Variants in GPHN observed in about 807,000 individuals in gnomAD.
GPHN encodes gephyrin.
In GPHN, 17 loss-of-function variants were observed where a neutral mutation model predicts 95.5. The ratio of observed to expected loss-of-function variants is 0.18; its 90% CI spans 0.12 to 0.27. GPHN has a LOEUF of 0.27. Among genes scored for constraint, GPHN ranks in the 10% least tolerant of loss-of-function variants. The pLI, the probability that GPHN is intolerant of heterozygous loss-of-function variation, is 1.00. For synonymous variants in GPHN, 320 were observed against 322.5 expected, an observed-to-expected ratio of 0.99 and a Z score of 0.08; for missense variants, 660 against 978.1, an observed-to-expected ratio of 0.67 and a Z score of 4.34.
intron 9 of GPHN, among the ~76,000 whole-genome samples, chr14:67,009,302 TG>T (rs1451113665): frequency 6.6e-6 from 1 of 152,218 alleles, no homozygotes; most frequent in African/African-American, 2.4e-5. Context: ...GCTGCTTTTA[TG>T]TTCTGGTACA....
At chr14:66,649,206 C>T (rs1033877428) in intron 1 of GPHN, among the ~76,000 whole-genome samples, 8 of 151,948 alleles carry the variant, frequency 5.3e-5, no homozygotes, top group South Asian at 2.1e-4. Context: ...TGGTGGCGTG[C>T]GCCTGTAGTC....
At chr14:67,307,318 G>C in the GPHN span, among the ~76,000 whole-genome samples, 3 of 152,154 alleles carry the variant, frequency 2.0e-5, no homozygotes, top group Non-Finnish European at 4.4e-5. Context: ...ATAATAATAT[G>C]TAGGGAGGGC....
chr14:67,259,784 C>T, the GPHN span, among the ~76,000 whole-genome samples: 1 of 151,294 alleles, frequency 6.6e-6, no homozygotes, highest in African/African-American at 2.4e-5. Context: ...TGGTGCCATG[C>T]GCCTGTAGTC....
At chr14:66,970,421 A>C (rs753816582) in intron 9 of GPHN, among the ~76,000 whole-genome samples, 2 of 152,178 alleles carry the variant, frequency 1.3e-5, no homozygotes, top group African/African-American at 2.4e-5. Context: ...TGCTGATTCT[A>C]TATCAGCATA....
intron 3 of GPHN, among the ~76,000 whole-genome samples, chr14:66,804,836 C>T (rs2060486735): frequency 6.6e-6 from 1 of 152,126 alleles, no homozygotes; most frequent in Admixed American, 6.5e-5. Flanking sequence ...TATTACCCTG[C>T]TGTGACATTT....
At chr14:66,530,301 C>T (rs2058864729) in intron 1 of GPHN, among the ~76,000 whole-genome samples, 1 of 152,082 alleles carries the variant, frequency 6.6e-6, no homozygotes, top group South Asian at 2.1e-4. Flanking sequence ...CTCCTTGCAC[C>T]AAGCTGGAGT....
chr14:67,344,926 T>C, the GPHN span, among the ~76,000 whole-genome samples: 3 of 149,994 alleles, frequency 2.0e-5, no homozygotes, highest in Non-Finnish European at 3.0e-5. Flanking sequence ...GAGTGTACCA[T>C]AGCACATACA....
chr14:67,576,450 G>A, the GPHN span: 1 of 1,610,742 alleles, frequency 6.2e-7, no homozygotes, highest in Non-Finnish European at 8.5e-7. This position sits in a 1 kb window ranked among gnomAD's most constrained non-coding sequence, Gnocchi z 4.0. Context: ...GCCAAGGTGG[G>A]CACTGCCTAT....
the GPHN span, among the ~76,000 whole-genome samples, chr14:67,603,790 G>A: frequency 6.6e-6 from 1 of 152,152 alleles, no homozygotes; most frequent in Non-Finnish European, 1.5e-5. Context: ...CGATTCTCCT[G>A]CTGAGGTCAG....
the GPHN span, among the ~76,000 whole-genome samples, chr14:67,477,877 G>A: frequency 1.2e-4 from 18 of 152,228 alleles, no homozygotes; most frequent in South Asian, 6.2e-4. Context: ...TAGAACCAGC[G>A]GTCTCAAAGT....
At chr14:66,861,540 T>C (rs2063025211) in intron 4 of GPHN, among the ~76,000 whole-genome samples, 1 of 152,060 alleles carries the variant, frequency 6.6e-6, no homozygotes, top group Non-Finnish European at 1.5e-5. Context: ...GGTGGCAGAA[T>C]ACACATTATT....
chr14:67,163,996 C>T (rs751188539), intron 19 of GPHN, among the ~76,000 whole-genome samples: 5 of 151,828 alleles, frequency 3.3e-5, no homozygotes, highest in African/African-American at 9.7e-5. Context: ...TGGCTGGGTG[C>T]GGTGGCTTAC....
At chr14:67,210,829 A>C in the GPHN span, among the ~76,000 whole-genome samples, 1 of 152,014 alleles carries the variant, frequency 6.6e-6, no homozygotes, top group Non-Finnish European at 1.5e-5. Context: ...CCTGGGCTAC[A>C]TGGTGAAACC....
the GPHN span, chr14:67,656,451 C>A: frequency 6.2e-7 from 1 of 1,613,310 alleles, no homozygotes; most frequent in Non-Finnish European, 8.5e-7. Context: ...TCTCGTTGTT[C>A]CCCCAGCTCT....
chr14:66,807,756 A>T (rs1232721172), intron 3 of GPHN, among the ~76,000 whole-genome samples: 1 of 152,208 alleles, frequency 6.6e-6, no homozygotes, highest in African/African-American at 2.4e-5. Flanking sequence ...ATATACAAGA[A>T]TTGAGTTATC....
At chr14:66,785,802 A>G (rs2059755366) in intron 3 of GPHN, among the ~76,000 whole-genome samples, 1 of 151,978 alleles carries the variant, frequency 6.6e-6, no homozygotes, top group East Asian at 1.9e-4. Flanking sequence ...AAGATACTCT[A>G]GTAAATAATC....
In GPHN at chr14:66,637,463, A is replaced by T. The variant is rs540058126; in HGVS notation, c.65-43644A>T. Among the ~76,000 whole-genome samples, 320 of 152,268 alleles carry T rather than the reference A, an allele frequency of 2.1e-3. 1 individual carries two copies. Among genetic ancestry groups the T allele is most frequent in the African/African-American group, 7.1e-3 (297 of 41,570 alleles). ...TAATTTTAGGGTACTAACCAGTAAG[A>T]TATAGATAAGGAATGAGACAACCTA... On this transcript the variant is annotated intron_variant, in intron 1 of 22. Transcript: ENST00000478722.
chr14:67,376,675 A>G, the GPHN span: 1 of 1,424,448 alleles, frequency 7.0e-7, no homozygotes, highest in Non-Finnish European at 9.5e-7. Context: ...CATGTATAAA[A>G]TACTTGCCAA....
chr14:67,246,064 G>A, the GPHN span, among the ~76,000 whole-genome samples: 245 of 151,894 alleles, frequency 1.6e-3, no homozygotes, highest in African/African-American at 5.6e-3. Context: ...GACTGCATTT[G>A]TTTGGGTTTG....
Sources: gnomAD v4.1 joint callset for allele counts (sites outside exome capture counted in the v4.1 genomes callset) on GRCh38, gnomAD v4.1.1 for gene constraint, Gnocchi (gnomAD v3.1) non-coding constraint, MANE v1.5 for transcripts, NCBI Gene and HGNC (gene_info 2026-07-23, HGNC 2026-07-21) for gene names.